Variants in PPP2R2C observed in about 807,000 individuals in gnomAD.
PPP2R2C encodes the protein protein phosphatase 2, regulatory subunit B, gamma.
Under a neutral mutation model 45.3 loss-of-function variants are expected in PPP2R2C, and 10 were observed. The ratio of observed to expected loss-of-function variants is 0.22; its 90% CI spans 0.14 to 0.37. The LOEUF (loss-of-function observed/expected upper bound fraction) is 0.37, where lower values mean the gene tolerates loss of function less well. PPP2R2C is among the 10% of genes least tolerant of loss of function. The pLI, the probability that PPP2R2C is intolerant of heterozygous loss-of-function variation, is 1.00. For missense variants in PPP2R2C, 308 were observed against 619.7 expected (o/e 0.50, Z 5.34); for synonymous variants, 257 against 245.4 (o/e 1.05, Z -0.44).
chr4:6,410,156 G>A (rs1485317706), intron 1 of PPP2R2C, among the ~76,000 whole-genome samples: 2 of 152,188 alleles, frequency 1.3e-5, no homozygotes, highest in African/African-American at 4.8e-5. Flanking sequence ...AAAGGTGTGA[G>A]CCCTCCCCAC....
chr4:6,349,187 C>T, intron 5 of PPP2R2C: 1 of 985,356 alleles, frequency 1.0e-6, no homozygotes, highest in African/African-American at 1.7e-5. Flanking sequence ...GCAATGACCT[C>T]AGGCTCCGGT....
chr4:6,545,659 T>C (rs1366060543), intron 1 of PPP2R2C, among the ~76,000 whole-genome samples: 8 of 152,180 alleles, frequency 5.3e-5, no homozygotes, highest in Non-Finnish European at 8.8e-5. Context: ...GTTTCTCCTA[T>C]AGAATCTCTG....
intron 2 of PPP2R2C, among the ~76,000 whole-genome samples, chr4:6,495,754 C>T (rs1479607417): frequency 6.6e-6 from 1 of 152,204 alleles, no homozygotes; most frequent in Admixed American, 6.5e-5. Flanking sequence ...GGAGGCTCTT[C>T]GGCTGGCCCT....
intron 1 of PPP2R2C, among the ~76,000 whole-genome samples, chr4:6,546,057 C>G (rs748170527): frequency 6.6e-5 from 10 of 152,160 alleles, no homozygotes; most frequent in Non-Finnish European, 1.0e-4. Context: ...CGTGGCTAAA[C>G]GAGAAGGGCC....
intron 2 of PPP2R2C, among the ~76,000 whole-genome samples, chr4:6,489,675 G>A (rs1722635120): frequency 6.6e-6 from 1 of 152,150 alleles, no homozygotes; most frequent in South Asian, 2.1e-4. Flanking sequence ...CCTAGCGCCT[G>A]GCACATCATG....
intron 1 of PPP2R2C, among the ~76,000 whole-genome samples, chr4:6,458,553 G>A (rs1721164801): frequency 6.6e-6 from 1 of 152,192 alleles, no homozygotes; most frequent in Non-Finnish European, 1.5e-5. Flanking sequence ...CACATTGGGG[G>A]TCTGGATTTC....
intron 8 of PPP2R2C, among the ~76,000 whole-genome samples, chr4:6,326,405 C>A (rs1731942889): frequency 6.6e-6 from 1 of 152,140 alleles, no homozygotes; most frequent in Admixed American, 6.5e-5. Context: ...ACTCCCGCAC[C>A]CGAGCACGCT....
At chr4:6,381,767 A>T (rs545071669) in intron 1 of PPP2R2C, 16 of 1,607,862 alleles carry the variant, frequency 1.0e-5, no homozygotes, top group Admixed American at 1.7e-5. Context: ...TTATGGAGTC[A>T]CCCCCATACC....
intron 1 of PPP2R2C, among the ~76,000 whole-genome samples, chr4:6,557,518 C>T (rs73796261): frequency 0.019 from 2,841 of 152,152 alleles, 89 homozygotes; most frequent in African/African-American, 0.065. Flanking sequence ...GAAGCTGCGA[C>T]CTGAAGGATG....
At chr4:6,424,257 C>G (rs1719152201) in intron 1 of PPP2R2C, among the ~76,000 whole-genome samples, 1 of 152,242 alleles carries the variant, frequency 6.6e-6, no homozygotes, top group Non-Finnish European at 1.5e-5. Flanking sequence ...CCATCATCAC[C>G]CTCATCAAAA....
intron 1 of PPP2R2C, among the ~76,000 whole-genome samples, chr4:6,448,043 C>T (rs529941961): frequency 6.6e-6 from 1 of 152,120 alleles, no homozygotes; most frequent in South Asian, 2.1e-4. Flanking sequence ...CCGTGGGAGC[C>T]GCACTACGAC....
At chr4:6,412,468 C>T (rs1447152366) in intron 1 of PPP2R2C, among the ~76,000 whole-genome samples, 1 of 152,190 alleles carries the variant, frequency 6.6e-6, no homozygotes, top group Admixed American at 6.5e-5. Flanking sequence ...CCCTGACACA[C>T]AGCAGGCATG....
At chr4:6,488,581 G>A (rs1366355929) in intron 2 of PPP2R2C, among the ~76,000 whole-genome samples, 2 of 152,128 alleles carry the variant, frequency 1.3e-5, no homozygotes, top group Non-Finnish European at 2.9e-5. Flanking sequence ...CTACTCAGGA[G>A]GCTGAAGCAG....
At chr4:6,502,478 C>G (rs1723090519) in intron 2 of PPP2R2C, among the ~76,000 whole-genome samples, 1 of 151,834 alleles carries the variant, frequency 6.6e-6, no homozygotes. Context: ...TTCTTCCTGC[C>G]CTCCCTCTGT....
At chr4:6,357,165 ACT>A (rs908556903) in intron 5 of PPP2R2C, among the ~76,000 whole-genome samples, 1 of 149,090 alleles carries the variant, frequency 6.7e-6, no homozygotes, top group African/African-American at 2.5e-5. Context: ...GCCTCTCTGG[ACT>A]CTGTGTCATC....
intron 1 of PPP2R2C, chr4:6,384,213 C>T (rs1577133376): frequency 2.0e-5 from 20 of 985,300 alleles, no homozygotes; most frequent in East Asian, 1.1e-4. Context: ...CTAGGGTCCC[C>T]GATGGGGCGC....
chr4:6,349,920 C>A (rs1208897688), intron 5 of PPP2R2C: 40 of 985,170 alleles, frequency 4.1e-5, no homozygotes, highest in Non-Finnish European at 4.8e-5. Flanking sequence ...ATTTTCTGAC[C>A]TCTCTAAACC....
chr4:6,509,419 C>T (rs1298261427), intron 2 of PPP2R2C, among the ~76,000 whole-genome samples: 2 of 151,524 alleles, frequency 1.3e-5, no homozygotes, highest in Admixed American at 6.6e-5. Flanking sequence ...GAAAAAAAGT[C>T]GAAATGTTAT....
At chr4:6,421,979 A>G (rs1719007710) in intron 1 of PPP2R2C, among the ~76,000 whole-genome samples, 1 of 152,250 alleles carries the variant, frequency 6.6e-6, no homozygotes. Flanking sequence ...ATAATGTTTC[A>G]AGAAGAGCTA....
Sources: allele counts gnomAD v4.1 joint callset (sites outside exome capture counted in the v4.1 genomes callset), GRCh38; gene constraint gnomAD v4.1.1; transcripts MANE v1.5; gene names NCBI Gene and HGNC (gene_info 2026-07-23, HGNC 2026-07-21).